The following POU2AF2 variants were observed in gnomAD, a reference collection of about 807,000 sequenced individuals.
POU2AF2 encodes POU domain class 2-associating factor 2.
the POU2AF2 span, among the ~76,000 whole-genome samples, chr11:111,269,503 C>G: frequency 1.3e-5 from 2 of 152,070 alleles, no homozygotes; most frequent in South Asian, 2.1e-4. Context: ...TTCAGCTGCT[C>G]TATTGGTTCT....
At chr11:111,251,440 A>G in the POU2AF2 span, among the ~76,000 whole-genome samples, 6 of 152,338 alleles carry the variant, frequency 3.9e-5, no homozygotes, top group African/African-American at 1.4e-4. Flanking sequence ...TAGACATCCA[A>G]TCATAAATGG....
At chr11:111,264,411 G>C in the POU2AF2 span, among the ~76,000 whole-genome samples, 1 of 151,546 alleles carries the variant, frequency 6.6e-6, no homozygotes, top group Non-Finnish European at 1.5e-5. Context: ...CACAAGAATC[G>C]CTTGAACCCG....
At chr11:111,258,702 T>A in the POU2AF2 span, among the ~76,000 whole-genome samples, 1 of 152,236 alleles carries the variant, frequency 6.6e-6, no homozygotes, top group East Asian at 1.9e-4. Flanking sequence ...AAAATACAGA[T>A]CCCTGGACCT....
chr11:111,283,650 C>A, the POU2AF2 span, among the ~76,000 whole-genome samples: 7 of 152,098 alleles, frequency 4.6e-5, no homozygotes, highest in African/African-American at 1.2e-4. Flanking sequence ...CCAGACATAG[C>A]GATCTCAGAT....
the POU2AF2 span, among the ~76,000 whole-genome samples, chr11:111,262,338 C>G: frequency 2.0e-5 from 3 of 152,166 alleles, no homozygotes; most frequent in Non-Finnish European, 4.4e-5. Flanking sequence ...AACTGTAGAA[C>G]AGATGTGCAT....
At chr11:111,270,406 A>G in the POU2AF2 span, among the ~76,000 whole-genome samples, 5 of 152,234 alleles carry the variant, frequency 3.3e-5, no homozygotes, top group African/African-American at 1.2e-4. Context: ...TATGTCAATA[A>G]CATAGCCCTT....
At chr11:111,251,442 C>T in the POU2AF2 span, among the ~76,000 whole-genome samples, 914 of 152,288 alleles carry the variant, frequency 6.0e-3, 11 homozygotes, top group African/African-American at 0.019. Context: ...GACATCCAAT[C>T]ATAAATGGAT....
At chr11:111,263,257 T>G in the POU2AF2 span, among the ~76,000 whole-genome samples, 1 of 152,264 alleles carries the variant, frequency 6.6e-6, no homozygotes, top group East Asian at 1.9e-4. Context: ...TATTTATACT[T>G]CAAATATTTC....
the POU2AF2 span, among the ~76,000 whole-genome samples, chr11:111,262,844 C>CAT: frequency 2.0e-5 from 3 of 152,114 alleles, no homozygotes; most frequent in Admixed American, 2.0e-4. Flanking sequence ...TTATGGGATA[C>CAT]ATATATATAG....
At chr11:111,285,511 G>T in the POU2AF2 span, 1 of 774,296 alleles carries the variant, frequency 1.3e-6, no homozygotes. Context: ...AAAAGCCGGA[G>T]AGAAGAGCAG....
the POU2AF2 span, among the ~76,000 whole-genome samples, chr11:111,258,385 G>A: frequency 6.6e-6 from 1 of 152,302 alleles, no homozygotes; most frequent in East Asian, 1.9e-4. Flanking sequence ...CATGGTGTCT[G>A]CCCAGGGTGA....
the POU2AF2 span, among the ~76,000 whole-genome samples, chr11:111,285,020 T>C: frequency 6.6e-6 from 1 of 152,198 alleles, no homozygotes; most frequent in Non-Finnish European, 1.5e-5. Flanking sequence ...GTATACTCTA[T>C]GCCAGGAAAT....
the POU2AF2 span, among the ~76,000 whole-genome samples, chr11:111,258,469 T>C: frequency 2.0e-5 from 3 of 152,172 alleles, no homozygotes; most frequent in South Asian, 4.1e-4. Flanking sequence ...ACCAGAGTTA[T>C]AGAAAAAGAA....
the POU2AF2 span, among the ~76,000 whole-genome samples, chr11:111,252,154 C>A: frequency 6.6e-6 from 1 of 152,202 alleles, no homozygotes; most frequent in Non-Finnish European, 1.5e-5. Context: ...CCTCCTCCTT[C>A]CCAGAGTTGT....
At chr11:111,283,056 T>C in the POU2AF2 span, among the ~76,000 whole-genome samples, 1 of 126,200 alleles carries the variant, frequency 7.9e-6, no homozygotes, top group Non-Finnish European at 1.6e-5. Context: ...GAAAACTTTT[T>C]ACTTTTTTTT....
chr11:111,252,491 C>T, the POU2AF2 span, among the ~76,000 whole-genome samples: 1 of 151,862 alleles, frequency 6.6e-6, no homozygotes, highest in Admixed American at 6.6e-5. Flanking sequence ...TGGCTTTGAC[C>T]CCTGCCTGGT....
chr11:111,281,400 C>A, the POU2AF2 span: 1 of 1,611,508 alleles, frequency 6.2e-7, no homozygotes, highest in Admixed American at 1.7e-5. Flanking sequence ...CCTTCCAGGG[C>A]AGCGTCAGTT....
the POU2AF2 span, chr11:111,256,215 C>A: frequency 2.5e-6 from 1 of 396,530 alleles, no homozygotes; most frequent in Non-Finnish European, 4.4e-6. Context: ...CTTTAACTGG[C>A]ACGCAGTATA....
chr11:111,286,148 CA>C, the POU2AF2 span: 1 of 1,416,890 alleles, frequency 7.1e-7, no homozygotes, highest in Non-Finnish European at 9.6e-7. Context: ...ACTGGATTTT[CA>C]GAATAAGCCT....
Sources: allele counts gnomAD v4.1 joint callset (sites outside exome capture counted in the v4.1 genomes callset), GRCh38; gene constraint gnomAD v4.1.1; transcripts MANE v1.5; gene names NCBI Gene and HGNC (gene_info 2026-07-23, HGNC 2026-07-21).